Variants in CRTC1 observed in about 807,000 individuals in gnomAD.
CRTC1 encodes the protein CREB-regulated transcription coactivator 1.
CRTC1 carries 18 observed loss-of-function variants against 66.1 expected under a neutral mutation model. The observed-to-expected ratio is 0.27, with a 90% CI of 0.19 to 0.40. CRTC1 has a LOEUF of 0.40. Among genes scored for constraint, CRTC1 ranks in the 10% least tolerant of loss-of-function variants. The probability of loss-of-function intolerance (pLI) is 1.00; values close to 1 mark genes in which losing one functional copy is unlikely to be tolerated. For synonymous variants in CRTC1, 416 were observed against 398.8 expected, an observed-to-expected ratio of 1.04 and a Z score of -0.51; for missense variants, 669 against 887.9, an observed-to-expected ratio of 0.75 and a Z score of 3.13.
chr19:18,720,575 T>G (rs1193714268), intron 1 of CRTC1, among the ~76,000 whole-genome samples: 1 of 145,978 alleles, frequency 6.9e-6, no homozygotes, highest in Non-Finnish European at 1.5e-5. Context: ...ACCATGTTAG[T>G]CAGGATGGTC....
intron 1 of CRTC1, among the ~76,000 whole-genome samples, chr19:18,693,124 C>T (rs989494670): frequency 6.8e-6 from 1 of 146,286 alleles, no homozygotes; most frequent in Non-Finnish European, 1.5e-5. Flanking sequence ...GGTATGGTAG[C>T]TCACACCTGT....
chr19:18,731,367 C>T (rs905226037), intron 1 of CRTC1, among the ~76,000 whole-genome samples: 1 of 152,166 alleles, frequency 6.6e-6, no homozygotes, highest in Non-Finnish European at 1.5e-5. Context: ...CGCGGCACCC[C>T]GATCTCTGCC....
chr19:18,747,142 C>T (rs1205924269), intron 4 of CRTC1, 28 bp downstream of exon 4: 1 of 1,028,702 alleles, frequency 9.7e-7, no homozygotes, highest in South Asian at 1.3e-5. Context: ...CCCCCCCCGC[C>T]CCCTTCTTGT....
chr19:18,693,411 A>G (rs533508281), intron 1 of CRTC1, among the ~76,000 whole-genome samples: 1 of 151,150 alleles, frequency 6.6e-6, no homozygotes, highest in South Asian at 2.1e-4. Flanking sequence ...TTCATTTTTC[A>G]TGGCTTGCCA....
At chr19:18,732,398 C>T (rs2053910506) in intron 1 of CRTC1, among the ~76,000 whole-genome samples, 1 of 152,244 alleles carries the variant, frequency 6.6e-6, no homozygotes, top group African/African-American at 2.4e-5. Flanking sequence ...AGGAAAGGCG[C>T]TGTACCTGGA....
At chr19:18,710,763 C>T (rs1160437635) in intron 1 of CRTC1, among the ~76,000 whole-genome samples, 1 of 152,170 alleles carries the variant, frequency 6.6e-6, no homozygotes, top group Non-Finnish European at 1.5e-5. Flanking sequence ...AGGCACCCGC[C>T]ACTGTGCCCG....
At chr19:18,747,930 A>G (rs1337948226) in intron 4 of CRTC1, among the ~76,000 whole-genome samples, 1 of 151,912 alleles carries the variant, frequency 6.6e-6, no homozygotes, top group Non-Finnish European at 1.5e-5. Flanking sequence ...TGAGAGAATT[A>G]GCCAGATGTA....
At chr19:18,743,352 A>G (rs1232400300) in intron 2 of CRTC1, among the ~76,000 whole-genome samples, 1 of 152,210 alleles carries the variant, frequency 6.6e-6, no homozygotes, top group Non-Finnish European at 1.5e-5. Flanking sequence ...CTGCCTCACT[A>G]ATCCGCAAGC....
At chr19:18,686,954 G>A (rs963295704) in intron 1 of CRTC1, among the ~76,000 whole-genome samples, 1 of 151,502 alleles carries the variant, frequency 6.6e-6, no homozygotes, top group South Asian at 2.1e-4. Context: ...TGCACAGGAT[G>A]GCCCCATCGT....
chr19:18,761,003 G>A (rs1239235093), intron 8 of CRTC1, among the ~76,000 whole-genome samples: 1 of 151,798 alleles, frequency 6.6e-6, no homozygotes, highest in Non-Finnish European at 1.5e-5. Flanking sequence ...CCCTCTCAGT[G>A]AAAGCCTGAG....
intron 2 of CRTC1, among the ~76,000 whole-genome samples, chr19:18,745,535 C>T (rs1388086136): frequency 6.6e-6 from 1 of 152,178 alleles, no homozygotes; most frequent in Non-Finnish European, 1.5e-5. Flanking sequence ...CGGGCGCTGG[C>T]CCCGAGCTTG....
At chr19:18,724,531 G>A (rs1211885866) in intron 1 of CRTC1, among the ~76,000 whole-genome samples, 1 of 151,852 alleles carries the variant, frequency 6.6e-6, no homozygotes, top group Non-Finnish European at 1.5e-5. Flanking sequence ...GAGCCTGGAA[G>A]TCTAAAATCC....
At chr19:18,756,662 C>T (rs1334649011) in intron 6 of CRTC1, among the ~76,000 whole-genome samples, 2 of 151,864 alleles carry the variant, frequency 1.3e-5, no homozygotes, top group Non-Finnish European at 2.9e-5. Context: ...AACAAATGTC[C>T]AGCAGCAGAG....
intron 1 of CRTC1, among the ~76,000 whole-genome samples, chr19:18,691,995 G>A (rs1310078951): frequency 3.3e-5 from 5 of 152,056 alleles, no homozygotes; most frequent in Non-Finnish European, 7.4e-5. Flanking sequence ...TTACAGGTGT[G>A]AGCCACCGCG....
intron 1 of CRTC1, among the ~76,000 whole-genome samples, chr19:18,718,541 C>T (rs554493342): frequency 2.0e-5 from 3 of 151,216 alleles, no homozygotes; most frequent in South Asian, 2.1e-4. Context: ...CAGGGTTTCA[C>T]CATATTGGCC....
At chr19:18,775,613 T>A in intron 12 of CRTC1, 28 bp from the exon 13 acceptor site, 2 of 1,534,972 alleles carry the variant, frequency 1.3e-6, no homozygotes, top group Non-Finnish European at 1.8e-6. Context: ...GCGGTGGCCC[T>A]CACAGCCTGG....
chr19:18,715,076 G>A (rs913082800), intron 1 of CRTC1, among the ~76,000 whole-genome samples: 6 of 152,268 alleles, frequency 3.9e-5, no homozygotes, highest in Non-Finnish European at 7.3e-5. Context: ...CCAAGATCAA[G>A]GTGTGGGCAA....
chr19:18,694,230 G>C (rs1361241468), intron 1 of CRTC1, among the ~76,000 whole-genome samples: 1 of 147,690 alleles, frequency 6.8e-6, no homozygotes, highest in Non-Finnish European at 1.5e-5. Flanking sequence ...GAGCCTAGGA[G>C]CTTGAGGCTG....
chr19:18,771,666 C>CG lies in CRTC1; in HGVS notation c.1425+120_1425+121insG. 1 of 757,918 alleles carries CG rather than the reference C, an allele frequency of 1.3e-6. No individual in the cohort carries two copies. The highest frequency in any genetic ancestry group is 2.2e-6 in the Non-Finnish European group (1 of 449,744). The allele number at this position is 757,918 out of a possible 1,614,324, so 46.9% of individuals were successfully genotyped here. A position where few individuals can be genotyped will look rare whatever the true frequency, so the allele number is the denominator to read the frequency against. ...GCTCCTCATGCATGTCCTCATGCAT[C>CG]CCATCCCGTCCACGCCATCGGACCT... is the stretch of plus-strand genomic sequence containing the variant. On this transcript the variant is annotated intron_variant, in intron 11 of 13. Transcript: ENST00000321949. This position sits in a 1 kb window ranked among gnomAD's most constrained non-coding sequence, Gnocchi z 4.6.
Sources: gnomAD v4.1 joint callset for allele counts (sites outside exome capture counted in the v4.1 genomes callset) on GRCh38, gnomAD v4.1.1 for gene constraint, Gnocchi (gnomAD v3.1) non-coding constraint, MANE v1.5 for transcripts, NCBI Gene and HGNC (gene_info 2026-07-23, HGNC 2026-07-21) for gene names.